Variants in TMEM144 observed in about 807,000 individuals in gnomAD.
TMEM144 encodes the protein transmembrane protein 144.
In TMEM144, 39 loss-of-function variants were observed where a neutral mutation model predicts 43.6. That is an observed-to-expected ratio of 0.90 (90% confidence interval 0.69 to 1.17). The LOEUF is 1.17. Among genes scored for constraint, TMEM144 ranks in the 50% most tolerant of loss-of-function variants. TMEM144 has a pLI of 0.00. For missense variants in TMEM144, 417 were observed against 411.9 expected (o/e 1.01, Z -0.11); for synonymous variants, 154 against 133.6 (o/e 1.15, Z -1.06).
At chr4:158,247,649 A>C (rs1735958306) in intron 12 of TMEM144, among the ~76,000 whole-genome samples, 1 of 152,098 alleles carries the variant, frequency 6.6e-6, no homozygotes, top group Non-Finnish European at 1.5e-5. Flanking sequence ...TAACCACAAA[A>C]ATTACATAAA....
chr4:158,235,211 ATG>A (rs1435511539), intron 7 of TMEM144: 20 of 466,734 alleles, frequency 4.3e-5, no homozygotes, highest in Non-Finnish European at 7.3e-5. Context: ...CACATATTAA[ATG>A]TGAGAATTTG....
chr4:158,235,636 A>C, intron 8 of TMEM144, 131 bp downstream of exon 8: 2 of 935,820 alleles, frequency 2.1e-6, no homozygotes, highest in Non-Finnish European at 3.0e-6. Context: ...TTCTATCTCC[A>C]TGCGGCGAGG....
intron 12 of TMEM144, among the ~76,000 whole-genome samples, chr4:158,250,689 G>A (rs775141458): frequency 2.8e-4 from 42 of 152,266 alleles, no homozygotes; most frequent in Admixed American, 7.8e-4. Flanking sequence ...GCATGGCCTG[G>A]CTGTAGGAAC....
chr4:158,240,194 GTTTA>G, intron 9 of TMEM144, 101 bp from the exon 10 acceptor site: 1 of 1,376,064 alleles, frequency 7.3e-7, no homozygotes, highest in South Asian at 1.4e-5. Flanking sequence ...CTAATTAATG[GTTTA>G]TTTGCCTTTA....
intron 7 of TMEM144, chr4:158,234,943 T>C (rs1735266974): frequency 6.5e-6 from 1 of 153,662 alleles, no homozygotes; most frequent in African/African-American, 2.4e-5. Context: ...AGGGGTACTG[T>C]AATTCCATAG....
intron 6 of TMEM144, among the ~76,000 whole-genome samples, chr4:158,220,775 T>G (rs2111109766): frequency 6.6e-6 from 1 of 152,362 alleles, no homozygotes; most frequent in South Asian, 2.1e-4. Flanking sequence ...GGGTATTTGT[T>G]GCCCAACTTT....
chr4:158,240,365 A>G lies in TMEM144; in HGVS notation c.749A>G (p.Tyr250Cys). 2 of 1,613,968 alleles carry G rather than the reference A, an allele frequency of 1.2e-6. No homozygotes were observed. The highest frequency in any genetic ancestry group is 1.1e-5 in the South Asian group (1 of 91,050). ...FLTSTVYFLA[Y>C]CIAMKNSPKL... ...ACAAGTACTGTCTACTTTCTGGCCT[A>G]CTGCATAGCCATGAAAAATAGTCCT... The change falls in exon 10 of 13, where the codon TAC (tyrosine) becomes TGC (cysteine). Residue 250 changes from tyrosine (Y) to cysteine (C), a missense_variant. Physicochemically the swap from Tyr to Cys is radical, Grantham distance 194. Coordinates refer to ENST00000296529, the MANE Select transcript of TMEM144 (RefSeq NM_018342.5).
intron 12 of TMEM144, among the ~76,000 whole-genome samples, chr4:158,253,110 C>T (rs1195309383): frequency 3.3e-5 from 5 of 152,210 alleles, no homozygotes; most frequent in Non-Finnish European, 7.3e-5. Context: ...CTGTAACACA[C>T]TCTCAAACAA....
At chr4:158,251,326 T>C (rs1442110669) in intron 12 of TMEM144, among the ~76,000 whole-genome samples, 2 of 152,264 alleles carry the variant, frequency 1.3e-5, no homozygotes, top group African/African-American at 2.4e-5. Flanking sequence ...CATGCCCTCA[T>C]TGGCAGAGCC....
Position 158,217,356 on chromosome 4 carries a change from G to C in TMEM144, c.268G>C (p.Gly90Arg). The C allele has an allele frequency of 6.2e-7, 1 of 1,612,944 alleles. No homozygotes were observed. Among genetic ancestry groups the C allele is most frequent in the Non-Finnish European group, 8.5e-7 (1 of 1,179,332 alleles). ...IAVVPIIKTI[G>R]LGLGILIWGS... ...TGTTGTCCCAATTATCAAAACCATTGGTTTAGGCCTTGGAATCTTAATCTG... is the reference window on the plus strand; with the variant it reads ...TGTTGTCCCAATTATCAAAACCATTCGTTTAGGCCTTGGAATCTTAATCTG... Residue 90 changes from glycine to arginine, a missense_variant, in exon 5 of 13, where the codon GGT (glycine) becomes CGT (arginine). By Grantham distance (125) the Gly-to-Arg change is moderately radical. Coordinates refer to ENST00000296529, the MANE Select transcript of TMEM144 (RefSeq NM_018342.5).
intron 6 of TMEM144, among the ~76,000 whole-genome samples, chr4:158,221,971 C>T (rs1734529763): frequency 6.6e-6 from 1 of 152,226 alleles, no homozygotes; most frequent in Admixed American, 6.5e-5. Context: ...TCCCTGCAAA[C>T]TGGTTCCTCT....
At chr4:158,223,340 CTG>C (rs1360547344) in intron 6 of TMEM144, among the ~76,000 whole-genome samples, 1 of 152,196 alleles carries the variant, frequency 6.6e-6, no homozygotes, top group African/African-American at 2.4e-5. Context: ...TAGTTGAAAA[CTG>C]TCAAGTCTCA....
intron 12 of TMEM144, among the ~76,000 whole-genome samples, chr4:158,249,933 T>TGTGTGTG (rs70958884): frequency 1.3e-4 from 18 of 135,958 alleles, no homozygotes; most frequent in South Asian, 2.4e-4. Flanking sequence ...TGTGTGTGTG[T>TGTGTGTG]TTAAATAAGC....
chr4:158,254,625 A>C lies in TMEM144; in HGVS notation c.*1098A>C, dbSNP rs1463145015. The C allele has an allele frequency of 6.6e-6, 1 of 152,096 alleles. No individual in the cohort carries two copies. Among genetic ancestry groups the C allele is most frequent in the Non-Finnish European group, 1.5e-5 (1 of 68,022 alleles). The allele number at this position is 152,096 out of a possible 1,614,324, so 9.4% of individuals were successfully genotyped here. A position where few individuals can be genotyped will look rare whatever the true frequency, so the allele number is the denominator to read the frequency against. ...AGAAATTTAATTTAAATTTGTAAGA[A>C]AAAAGAAAACTGAAACAGAACTGCC... On this transcript the variant is annotated 3_prime_UTR_variant, in exon 13 of 13. Coordinates refer to ENST00000296529, the MANE Select transcript of TMEM144 (RefSeq NM_018342.5).
In TMEM144 at chr4:158,241,616, T is replaced by G; in HGVS notation, c.900+10T>G. ...TCCAATAATCACTGCTGTAAGTAGC[T>G]GAACTGGTTTTCCTAATTTTCATTT... On this transcript the variant is annotated intron_variant, in intron 11 of 12. Transcript: ENST00000296529. 6.2e-7 allele frequency: 1 copy of G among 1,610,222 alleles called. No individual in the cohort carries two copies. Among genetic ancestry groups the G allele is most frequent in the East Asian group, 2.2e-5 (1 of 44,838 alleles).
At chr4:158,240,820 G>A (rs1198355032) in intron 10 of TMEM144, among the ~76,000 whole-genome samples, 3 of 152,160 alleles carry the variant, frequency 2.0e-5, no homozygotes, top group African/African-American at 4.8e-5. Flanking sequence ...TCTACAAAAT[G>A]TAAGAAGAGA....
chr4:158,228,203 G>T (rs137868599), intron 6 of TMEM144, among the ~76,000 whole-genome samples: 3 of 152,072 alleles, frequency 2.0e-5, no homozygotes, highest in Non-Finnish European at 4.4e-5. Context: ...CCACTCAAAT[G>T]GAGTAGGCAA....
chr4:158,236,641 GT>G (rs969894965), intron 8 of TMEM144, among the ~76,000 whole-genome samples: 2 of 151,906 alleles, frequency 1.3e-5, no homozygotes, highest in African/African-American at 2.4e-5. Flanking sequence ...GGAGGGAATT[GT>G]TTTTGCCTAC....
intron 4 of TMEM144, 118 bp downstream of exon 4, chr4:158,215,431 C>T: frequency 8.0e-7 from 1 of 1,251,062 alleles, no homozygotes; most frequent in Non-Finnish European, 1.1e-6. Context: ...GTCATAGATA[C>T]TAGAAATTAA....
Sources: allele counts gnomAD v4.1 joint callset (sites outside exome capture counted in the v4.1 genomes callset), GRCh38; gene constraint gnomAD v4.1.1; transcripts MANE v1.5; gene names NCBI Gene and HGNC (gene_info 2026-07-23, HGNC 2026-07-21).